Variants in QRICH2 observed in about 807,000 individuals in gnomAD.
QRICH2 encodes glutamine rich 2.
A neutral mutation model predicts 168.3 loss-of-function variants in QRICH2; 119 were observed. The ratio of observed to expected loss-of-function variants is 0.71; its 90% CI spans 0.61 to 0.82. QRICH2 has a LOEUF of 0.82. Among genes scored for constraint, QRICH2 ranks in the 40% least tolerant of loss-of-function variants. The pLI is 0.00. For missense variants in QRICH2, 2,241 were observed against 2,491.6 expected (o/e 0.90, Z 2.14); for synonymous variants, 894 against 951.2 (o/e 0.94, Z 1.11).
chr17:76,307,083 C>G lies in QRICH2; in HGVS notation c.534+382G>C, dbSNP rs1362434306. Among the ~76,000 whole-genome samples, 2 of 152,076 alleles carry G rather than the reference C, an allele frequency of 1.3e-5. No homozygotes were observed. The highest frequency in any genetic ancestry group is 2.9e-5 in the Non-Finnish European group (2 of 68,024). On this transcript the variant is annotated intron_variant, in intron 1 of 18. Coordinates refer to ENST00000680821, the MANE Select transcript of QRICH2 (RefSeq NM_001388453.1). This position sits in a 1 kb window ranked among gnomAD's most constrained non-coding sequence, Gnocchi z 5.3. The stretch of plus-strand genomic sequence containing the variant: ...GAATCTTCTGAGAAGTTGCCGGCCC[C>G]ACTCTGAGCCAGCTCTGGGTCCTTG...
rs1214279405 is a variant in QRICH2, at chr17:76,307,263, C to A, written c.534+202G>T. Among the ~76,000 whole-genome samples the A allele has an allele frequency of 2.0e-5, 3 of 152,082 alleles. No homozygotes were observed. Among genetic ancestry groups the A allele is most frequent in the Admixed American group, 2.0e-4 (3 of 15,254 alleles). ...TGGTGGCGTTCTTTTAGGATTTTCA[C>A]GTCTTGCAGCCCCGTGGACTGCAAG... On this transcript the variant is annotated intron_variant, in intron 1 of 18. Coordinates refer to ENST00000680821, the MANE Select transcript of QRICH2 (RefSeq NM_001388453.1). The surrounding 1 kb of genome is among the most constrained non-coding windows in gnomAD (Gnocchi z 5.3).
At chr17:76,303,398 T>G (rs1457014647) in intron 3 of QRICH2, among the ~76,000 whole-genome samples, 1 of 152,142 alleles carries the variant, frequency 6.6e-6, no homozygotes, top group Non-Finnish European at 1.5e-5. Context: ...GATAACCCAC[T>G]AGCCCAAAGC....
In QRICH2 at chr17:76,283,935, G is replaced by A. The variant is rs894384791; in HGVS notation, c.4012-1820C>T. Among the ~76,000 whole-genome samples the A allele has an allele frequency of 1.4e-5, 2 of 140,938 alleles. 1 individual carries two copies. The highest frequency in any genetic ancestry group is 6.3e-5 in the African/African-American group (2 of 31,574). 92.5% of individuals were successfully genotyped at this position (140,938 alleles called of 152,430 possible). A position where few individuals can be genotyped will look rare whatever the true frequency, so the allele number is the denominator to read the frequency against. ...AATCCTAGCACTTTGGGAGGCCAAG[G>A]CAGGTGAATGACCTGAGGTCAGGAG... On this transcript the variant is annotated intron_variant, in intron 7 of 18. Transcript: ENST00000680821.
chr17:76,301,756 G>T (rs2070905040), intron 3 of QRICH2, among the ~76,000 whole-genome samples: 1 of 134,164 alleles, frequency 7.5e-6, no homozygotes, highest in South Asian at 2.4e-4. Flanking sequence ...AGGTTGGACT[G>T]CAGTGGTGCA....
rs376209227 is a variant in QRICH2 at position 76,291,040 on chromosome 17, C to T, written c.3687G>A (p.Lys1229=). ...EEQAGQTDLE[K]IQFLLAQMVK... ...CCATCTGTGCCAGCAGGAACTGGAT[C>T]TTCTCCAAGTCGGTTTGGCCGGCCT... is the stretch of plus-strand genomic sequence containing the variant. Residue 1229 remains lysine, a synonymous_variant, in exon 4 of 19, where the codon AAG becomes AAA. Transcript: ENST00000680821. 20 of 1,613,358 alleles carry T rather than the reference C, an allele frequency of 1.2e-5. No individual in the cohort carries two copies. The highest frequency in any genetic ancestry group is 1.5e-5 in the Non-Finnish European group (18 of 1,179,442).
In QRICH2 at chr17:76,291,615, G is replaced by A. The variant is rs920852239; in HGVS notation, c.3112C>T (p.Arg1038Ter). 1.4e-5 allele frequency: 23 copies of A among 1,613,984 alleles called. No homozygotes were observed. The highest frequency in any genetic ancestry group is 2.2e-5 in the East Asian group (1 of 44,894). ...SQGLASPGID[R>*]RSLVPPETYQ... ...GTTTCTGGTGGTACCAAACTCCTTC[G>A]ATCTATACCAGGTGATGCCAAACCT... The change falls in exon 4 of 19, where the codon CGA becomes TGA. Residue 1038 changes from arginine to a stop codon, truncating the protein, a stop_gained. Transcript: ENST00000680821. LOFTEE classifies it high-confidence loss of function.
intron 5 of QRICH2, among the ~76,000 whole-genome samples, chr17:76,289,566 C>T (rs2070950624): frequency 6.6e-6 from 1 of 151,994 alleles, no homozygotes; most frequent in African/African-American, 2.4e-5. Context: ...TTGCAAAGAT[C>T]CAATTAGATA....
Position 76,292,739 on chromosome 17 carries a change from G to A in QRICH2, c.1988C>T (p.Pro663Leu). 1 of 1,612,900 alleles carries A rather than the reference G, an allele frequency of 6.2e-7. No individual in the cohort carries two copies. The highest frequency in any genetic ancestry group is 8.5e-7 in the Non-Finnish European group (1 of 1,179,772). The change falls in exon 4 of 19, where the codon CCT becomes CTT. Residue 663 changes from proline (P) to leucine (L), a missense_variant. Physicochemically the swap from Pro to Leu is moderately conservative, Grantham distance 98. Transcript: ENST00000680821. Reference protein sequence around the residue: ...SGTGQGVLVQPGVDQPGMVQP... With the variant: ...SGTGQGVLVQLGVDQPGMVQP... ...GACCATGCCAGGCTGATCTACACCA[G>A]GCTGTACCAAGACACCCTGACCTGT... is the stretch of plus-strand genomic sequence containing the variant.
rs769045358 is a variant in QRICH2, at chr17:76,304,514, G to C, written c.606C>G (p.Ser202Arg). 5.2e-5 allele frequency: 84 copies of C among 1,611,670 alleles called. No individual in the cohort carries two copies. Among genetic ancestry groups the C allele is most frequent in the Admixed American group, 2.0e-4 (12 of 59,912 alleles). ...KDREQFLELV[S>R]RKLSLVPGAE... ...CACCAGGAACCAAACTCAGCTTCCGGCTGACTAGTTCCTGACAGTGACAGA... is the reference window on the plus strand; with the variant it reads ...CACCAGGAACCAAACTCAGCTTCCGCCTGACTAGTTCCTGACAGTGACAGA... Residue 202 changes from serine to arginine, a missense_variant, in exon 3 of 19, where the codon AGC becomes AGG. Physicochemically the swap from Ser to Arg is moderately radical, Grantham distance 110. This residue lies in a region of QRICH2 where 2,047 missense variants were observed against 2,303.8 expected (regional missense o/e 0.89). Transcript: ENST00000680821.
Position 76,280,069 on chromosome 17 carries a change from G to A in QRICH2, c.4712C>T (p.Pro1571Leu), listed in dbSNP as rs777280238. 9 of 1,613,352 alleles carry A rather than the reference G, an allele frequency of 5.6e-6. No homozygotes were observed. Among genetic ancestry groups the A allele is most frequent in the Non-Finnish European group, 7.6e-6 (9 of 1,179,890 alleles). Residue 1571 changes from proline (P) to leucine (L), a missense_variant, in exon 12 of 19, where the codon CCA (proline) becomes CTA (leucine). Physicochemically the swap from Pro to Leu is moderately conservative, Grantham distance 98 (BLOSUM62 -3). Transcript: ENST00000680821. The surrounding 1 kb of genome is among the most constrained non-coding windows in gnomAD (Gnocchi z 7.4). ...SLRQQLRERP[P>L]LYQADEAAAM... ...AGCCGCCTCGTCTGCCTGGTAGAGT[G>A]GGGGGCGCTCCCTGAGCTGCTGTCG...
rs771711297 is a variant in QRICH2, at chr17:76,292,789, A to T, written c.1938T>A (p.Gly646=). 2 of 1,613,556 alleles carry T rather than the reference A, an allele frequency of 1.2e-6. No individual in the cohort carries two copies. Among genetic ancestry groups the T allele is most frequent in the Non-Finnish European group, 1.7e-6 (2 of 1,179,952 alleles). The change falls in exon 4 of 19, where the codon GGT becomes GGA. Residue 646 remains glycine (G), a synonymous_variant. Transcript: ENST00000680821. ...DQHGLIQPGT[G]QHDLVQSGTG... ...TGCCAGATTGGACCAAATCATGCTG[A>T]CCTGTGCCAGGCTGGATCAAACCAT...
chr17:76,294,049 T>A, intron 3 of QRICH2, 28 bp from the exon 4 acceptor site: 1 of 1,561,840 alleles, frequency 6.4e-7, no homozygotes, highest in Non-Finnish European at 8.7e-7. Flanking sequence ...AGGAAATCAA[T>A]AACAGTCAAA....
intron 3 of QRICH2, among the ~76,000 whole-genome samples, chr17:76,303,851 T>A (rs1273812827): frequency 9.3e-6 from 1 of 107,156 alleles, no homozygotes; most frequent in Non-Finnish European, 1.8e-5. Context: ...CCAGCCTGGG[T>A]AATAGAGCAA....
intron 1 of QRICH2, 76 bp from the exon 2 acceptor site, chr17:76,305,017 G>T: frequency 1.1e-6 from 1 of 942,522 alleles, no homozygotes; most frequent in Non-Finnish European, 1.7e-6. Flanking sequence ...ACACACAGAT[G>T]CGCACACACA....
At chr17:76,303,776 G>C (rs2070943302) in intron 3 of QRICH2, among the ~76,000 whole-genome samples, 1 of 150,200 alleles carries the variant, frequency 6.7e-6, no homozygotes, top group South Asian at 2.1e-4. Context: ...TGGAGGCTGA[G>C]ACAGGAGAAT....
chr17:76,288,933 T>C (rs1176529945), intron 5 of QRICH2, among the ~76,000 whole-genome samples: 1 of 151,006 alleles, frequency 6.6e-6, no homozygotes, highest in African/African-American at 2.4e-5. Context: ...TGAAACCCCA[T>C]CTCTACTAAA....
At chr17:76,305,111 GTGGCTCTTA>G (rs2070971625) in intron 1 of QRICH2, among the ~76,000 whole-genome samples, 170 bp from the exon 2 acceptor site, 1 of 151,188 alleles carries the variant, frequency 6.6e-6, no homozygotes, top group Admixed American at 6.6e-5. Context: ...GGGAATTTGT[GTGGCTCTTA>G]TGGAAAGGGA....
Position 76,277,987 on chromosome 17 carries a change from A to AC in QRICH2, c.5117+1dup. On this transcript the variant is annotated splice_donor_variant, in intron 15 of 18. Transcript: ENST00000680821. LOFTEE classifies it high-confidence loss of function. ...CCATGGCCTCGCCCGCCTCTCCTGT[A>AC]CCGTTTGTAGCAGGGGGAGCCCAGG... The AC allele has an allele frequency of 6.2e-7, 1 of 1,610,468 alleles. No homozygotes were observed. Among genetic ancestry groups the AC allele is most frequent in the Admixed American group, 1.7e-5 (1 of 60,026 alleles).
chr17:76,282,113 C>G lies in QRICH2; in HGVS notation c.4014G>C (p.Leu1338Phe). The change falls in exon 8 of 19, where the codon TTG becomes TTC. Residue 1338 changes from leucine (L) to phenylalanine (F), a missense_variant and splice_region_variant. By Grantham distance (22) the Leu-to-Phe change is conservative (BLOSUM62 0). Transcript: ENST00000680821. ...TCTCAATGATCATCCTGAGCTTGTC[C>G]AACTGCGTGCAGGAGAGACGGCAGC... ...SEASLYLQDQ[L>F]DKLRMIIESM... 1 of 1,600,380 alleles carries G rather than the reference C, an allele frequency of 6.2e-7. No homozygotes were observed. The highest frequency in any genetic ancestry group is 8.6e-7 in the Non-Finnish European group (1 of 1,169,464).
Sources: gnomAD v4.1 joint callset for allele counts (sites outside exome capture counted in the v4.1 genomes callset) on GRCh38, gnomAD v4.1.1 for gene constraint, gnomAD v4.1.1 regional missense constraint, Gnocchi (gnomAD v3.1) non-coding constraint, MANE v1.5 for transcripts, NCBI Gene and HGNC (gene_info 2026-07-23, HGNC 2026-07-21) for gene names.